KCNAB2: variants seen among roughly 807,000 people sequenced by gnomAD.
KCNAB2 encodes the protein potassium voltage-gated channel subfamily A regulatory beta subunit 2, also known as voltage-gated potassium channel subunit beta-2.
In KCNAB2, 29 loss-of-function variants were observed where a neutral mutation model predicts 63.6. The observed-to-expected ratio is 0.46, with a 90% confidence interval of 0.34 to 0.62. KCNAB2 has a LOEUF of 0.62. KCNAB2 is among the 20% of genes least tolerant of loss of function. KCNAB2 has a pLI of 0.01. For missense variants in KCNAB2, 359 were observed against 563.9 expected (o/e 0.64, Z 3.68); for synonymous variants, 222 against 224.2 (o/e 0.99, Z 0.09).
chr1:6,093,941 A>G (rs902374789), intron 10 of KCNAB2, among the ~76,000 whole-genome samples: 3 of 152,222 alleles, frequency 2.0e-5, no homozygotes, highest in African/African-American at 7.2e-5. Flanking sequence ...GTAGGAGACC[A>G]GAAACGCAAA....
At chr1:5,998,788 G>T (rs927311710) in intron 1 of KCNAB2, among the ~76,000 whole-genome samples, 1 of 152,186 alleles carries the variant, frequency 6.6e-6, no homozygotes, top group Non-Finnish European at 1.5e-5. Context: ...CCAAGCACTC[G>T]CCAACCAACT....
chr1:6,084,640 A>G (rs1021490774), intron 5 of KCNAB2, among the ~76,000 whole-genome samples: 1 of 151,948 alleles, frequency 6.6e-6, no homozygotes, highest in East Asian at 1.9e-4. Context: ...ACATAGTGAA[A>G]CCCCGTCTCT....
intron 2 of KCNAB2, among the ~76,000 whole-genome samples, chr1:6,064,264 C>G (rs1477534666): frequency 2.0e-5 from 3 of 152,196 alleles, no homozygotes; most frequent in Non-Finnish European, 2.9e-5. Flanking sequence ...TGCCCAGGAC[C>G]CTGCCTTTGT....
At chr1:6,042,259 C>T (rs941424699), upstream of KCNAB2, among the ~76,000 whole-genome samples, 1 of 152,200 alleles carries the variant, frequency 6.6e-6, no homozygotes, top group African/African-American at 2.4e-5. Flanking sequence ...CGAGCCCATC[C>T]GTTCCCCCTT....
At chr1:6,001,767 G>T (rs1362249653) in intron 1 of KCNAB2, among the ~76,000 whole-genome samples, 1 of 152,180 alleles carries the variant, frequency 6.6e-6, no homozygotes, top group African/African-American at 2.4e-5. Flanking sequence ...TCACATGGTG[G>T]TAGGACTGGG....
intron 1 of KCNAB2, among the ~76,000 whole-genome samples, chr1:6,008,679 G>C (rs1657971150): frequency 6.6e-6 from 1 of 151,908 alleles, no homozygotes; most frequent in Non-Finnish European, 1.5e-5. Context: ...AATGCTCCTG[G>C]TATCAACAGA....
intron 4 of KCNAB2, among the ~76,000 whole-genome samples, chr1:6,077,661 C>T (rs889912704): frequency 1.7e-4 from 26 of 152,298 alleles, no homozygotes; most frequent in African/African-American, 4.6e-4. Flanking sequence ...GAGCGGAGAG[C>T]GCCGAGCCCT....
upstream of KCNAB2, among the ~76,000 whole-genome samples, chr1:6,030,647 ATATG>A (rs1295971364): frequency 5.1e-5 from 2 of 39,534 alleles, no homozygotes; most frequent in East Asian, 2.2e-3. Flanking sequence ...AGGTATGTGT[ATATG>A]TATGTACGTG....
intron 2 of KCNAB2, among the ~76,000 whole-genome samples, chr1:6,072,486 C>T (rs548774256): frequency 5.9e-5 from 9 of 152,312 alleles, no homozygotes; most frequent in Non-Finnish European, 1.0e-4. Flanking sequence ...TGTGCATTTC[C>T]ATCTGTCCTT....
At chr1:6,005,340 G>T (rs796825711) in intron 1 of KCNAB2, among the ~76,000 whole-genome samples, 1 of 1,102 alleles carries the variant, frequency 9.1e-4, no homozygotes, top group Non-Finnish European at 1.6e-3. Context: ...GGTGAGGGTA[G>T]AGTGGGGGGA....
intron 1 of KCNAB2, among the ~76,000 whole-genome samples, chr1:6,012,755 G>A (rs1449034884): frequency 1.3e-5 from 2 of 151,692 alleles, no homozygotes; most frequent in Non-Finnish European, 2.9e-5. Context: ...AGGAGGTGAT[G>A]GTGACAGAGA....
Position 6,095,424 on chromosome 1 carries a change from G to T in KCNAB2, c.834G>T (p.Pro278=). Reference sequence around the variant, plus strand: ...GTGAGAAAGTGGAGGTGCAGCTGCCGGAGCTGTTCCACAAGATAGGTGGGC... The same window carrying T: ...GTGAGAAAGTGGAGGTGCAGCTGCCTGAGCTGTTCCACAAGATAGGTGGGC... The part of the protein sequence containing the change: ...FQREKVEVQL[P]ELFHKIGVGA... The change falls in exon 12 of 16, where the codon CCG becomes CCT. Residue 278 remains proline, a synonymous_variant. Transcript: ENST00000378083. 1 of 1,612,966 alleles carries T rather than the reference G, an allele frequency of 6.2e-7. No individual in the cohort carries two copies. Among genetic ancestry groups the T allele is most frequent in the Non-Finnish European group, 8.5e-7 (1 of 1,180,016 alleles).
chr1:6,043,411 T>TC (rs767147272), upstream of KCNAB2, among the ~76,000 whole-genome samples: 1 of 151,888 alleles, frequency 6.6e-6, no homozygotes, highest in African/African-American at 2.4e-5. Context: ...CAACATGTTG[T>TC]CCCCCCCGCC....
rs1463065257 is a variant in KCNAB2, at chr1:6,086,065, T to C, written c.425+817T>C. Reference sequence around the variant, plus strand: ...ACTGGGCTGAGCACTTGCCTACATTTTGAGGCTCCCCAGACCCCTGGACAC... The same window carrying C: ...ACTGGGCTGAGCACTTGCCTACATTCTGAGGCTCCCCAGACCCCTGGACAC... On this transcript the variant is annotated intron_variant, in intron 6 of 15. Transcript: ENST00000378083. This position sits in a 1 kb window ranked among gnomAD's most constrained non-coding sequence, Gnocchi z 4.2. 1 of 985,338 alleles carries C rather than the reference T, an allele frequency of 1.0e-6. No individual in the cohort carries two copies. Among genetic ancestry groups the C allele is most frequent in the Non-Finnish European group, 1.2e-6 (1 of 829,956 alleles). The allele number at this position is 985,338 out of a possible 1,614,324, so 61.0% of individuals were successfully genotyped here. A position where few individuals can be genotyped will look rare whatever the true frequency, so the allele number is the denominator to read the frequency against.
chr1:6,031,781 T>A, upstream of KCNAB2, among the ~76,000 whole-genome samples: 1 of 150,832 alleles, frequency 6.6e-6, no homozygotes. This position sits in a 1 kb window ranked among gnomAD's most constrained non-coding sequence, Gnocchi z 4.1. Context: ...CCCAGCTAAT[T>A]GGGAGGCTGA....
rs1663014694 is a variant in KCNAB2, at chr1:6,069,424, G to A, written c.219-3331G>A. 6.6e-6 allele frequency among the ~76,000 whole-genome samples: 1 copy of A among 152,180 alleles called. No homozygotes were observed. The highest frequency in any genetic ancestry group is 6.5e-5 in the Admixed American group (1 of 15,284). Reference sequence around the variant, plus strand: ...TTTTAGGGGTGTGCAGCAGCCGGGGGCTCCACGATGGGCATCAGTGCTCCC... The same window carrying A: ...TTTTAGGGGTGTGCAGCAGCCGGGGACTCCACGATGGGCATCAGTGCTCCC... On this transcript the variant is annotated intron_variant, in intron 2 of 15. Coordinates refer to ENST00000378083, the MANE Select transcript of KCNAB2 (RefSeq NM_001199862.2). The surrounding 1 kb of genome is among the most constrained non-coding windows in gnomAD (Gnocchi z 5.4).
Position 6,069,534 on chromosome 1 carries a change from A to G in KCNAB2, c.219-3221A>G, listed in dbSNP as rs757379044. ...ATGAGGCAAATTAATGAAGACCGAC[A>G]GTATTTGGGTTTCGAGATGTTGACC... On this transcript the variant is annotated intron_variant, in intron 2 of 15. Transcript: ENST00000378083. This position sits in a 1 kb window ranked among gnomAD's most constrained non-coding sequence, Gnocchi z 5.4. Among the ~76,000 whole-genome samples, 6 of 152,178 alleles carry G rather than the reference A, an allele frequency of 3.9e-5. No individual in the cohort carries two copies. The highest frequency in any genetic ancestry group is 1.2e-4 in the African/African-American group (5 of 41,446).
At position 5,994,857 on chromosome 1, in the gene KCNAB2, C is replaced by T. The variant is rs1268559029; in HGVS notation, c.-53+2069C>T. On this transcript the variant is annotated intron_variant, in intron 1 of 16. Coordinates refer to the KCNAB2 transcript ENST00000341524. The surrounding 1 kb of genome is among the most constrained non-coding windows in gnomAD (Gnocchi z 5.4). Reference sequence around the variant, plus strand: ...AAGACCCAAATGGTTCAGGAGGAAGCGAGTGCCACACAGTTTTGATTTGGC... The same window carrying T: ...AAGACCCAAATGGTTCAGGAGGAAGTGAGTGCCACACAGTTTTGATTTGGC... Among the ~76,000 whole-genome samples, 5 of 152,174 alleles carry T rather than the reference C, an allele frequency of 3.3e-5. No individual in the cohort carries two copies. The highest frequency in any genetic ancestry group is 5.9e-5 in the Non-Finnish European group (4 of 68,038).
rs767753564 is a variant in KCNAB2, at chr1:6,091,224, A to G, written c.602-39A>G. Reference sequence around the variant, plus strand: ...GCCACGCCTCTCAGTGCTCCCAGCTATCAACTCTGGTCTCTTTAAATCTTT... The same window carrying G: ...GCCACGCCTCTCAGTGCTCCCAGCTGTCAACTCTGGTCTCTTTAAATCTTT... On this transcript the variant is annotated intron_variant, in intron 9 of 15. Transcript: ENST00000378083. The G allele has an allele frequency of 6.4e-5, 94 of 1,467,662 alleles. No homozygotes were observed. In the South Asian group the frequency reaches 1.0e-3, roughly 16 times the overall value. The allele number at this position is 1,467,662 out of a possible 1,614,324, so 90.9% of individuals were successfully genotyped here.
Sources: gnomAD v4.1 joint callset for allele counts (sites outside exome capture counted in the v4.1 genomes callset) on GRCh38, gnomAD v4.1.1 for gene constraint, Gnocchi (gnomAD v3.1) non-coding constraint, MANE v1.5 for transcripts, NCBI Gene and HGNC (gene_info 2026-07-23, HGNC 2026-07-21) for gene names.